The following MAGI2 variants were observed in gnomAD, a reference collection of about 807,000 sequenced individuals.
MAGI2 encodes the protein membrane-associated guanylate kinase, WW and PDZ domain-containing protein 2.
MAGI2 carries 35 observed loss-of-function variants against 133.3 expected under a neutral mutation model. The observed-to-expected ratio is 0.26, with a 90% CI of 0.20 to 0.35. MAGI2 has a LOEUF of 0.35. MAGI2 is among the 10% of genes least tolerant of loss of function. The pLI is 1.00. For missense variants in MAGI2, 1,636 were observed against 1,863.4 expected (o/e 0.88, Z 2.25); for synonymous variants, 729 against 710.6 (o/e 1.03, Z -0.41).
At chr7:78,857,298 G>T (rs954532136) in intron 2 of MAGI2, among the ~76,000 whole-genome samples, 3 of 152,090 alleles carry the variant, frequency 2.0e-5, no homozygotes, top group African/African-American at 7.2e-5. Flanking sequence ...TGTTGAATAG[G>T]AGTGGTGAGA....
intron 3 of MAGI2, among the ~76,000 whole-genome samples, chr7:78,582,193 T>G (rs1321060463): frequency 6.6e-6 from 1 of 152,174 alleles, no homozygotes; most frequent in African/African-American, 2.4e-5. Context: ...AACTGATTTT[T>G]GAAAATGGCT....
intron 3 of MAGI2, among the ~76,000 whole-genome samples, chr7:78,558,239 G>A (rs957672812): frequency 5.3e-5 from 8 of 152,086 alleles, no homozygotes; most frequent in Admixed American, 6.6e-5. Context: ...AGAGAACAAA[G>A]AAAGAGACAA....
At chr7:79,427,444 T>C (rs1034619462) in intron 1 of MAGI2, among the ~76,000 whole-genome samples, 1 of 152,174 alleles carries the variant, frequency 6.6e-6, no homozygotes, top group South Asian at 2.1e-4. Context: ...CAAGGTGTCA[T>C]GCAATAAGTG....
chr7:78,704,182 T>C (rs1818365736), intron 2 of MAGI2, among the ~76,000 whole-genome samples: 1 of 152,098 alleles, frequency 6.6e-6, no homozygotes, highest in African/African-American at 2.4e-5. Context: ...GACAAAGGTC[T>C]AATATTCAAA....
intron 1 of MAGI2, among the ~76,000 whole-genome samples, chr7:79,358,511 T>C (rs933915106): frequency 6.6e-6 from 1 of 152,062 alleles, no homozygotes; most frequent in African/African-American, 2.4e-5. Context: ...GAAAATGGAA[T>C]GAAAAGTCTT....
In MAGI2 at chr7:78,555,738, C is replaced by T. The variant is rs115544634; in HGVS notation, c.539-34093G>A. On this transcript the variant is annotated intron_variant, in intron 3 of 21. Transcript: ENST00000354212. ...TACCACATTTGAGAAAGTCAATAAA[C>T]ATTTTTCATGGATGGATTTTAGTCA... Among the ~76,000 whole-genome samples the T allele has an allele frequency of 3.8e-3, 582 of 152,198 alleles. 5 individuals are homozygous for T. The highest frequency in any genetic ancestry group is 0.013 in the African/African-American group (557 of 41,556).
At chr7:78,573,266 A>ATATATT (rs1801821267) in intron 3 of MAGI2, among the ~76,000 whole-genome samples, 1 of 24,252 alleles carries the variant, frequency 4.1e-5, no homozygotes, top group South Asian at 2.5e-3. Flanking sequence ...AAATATAAAT[A>ATATATT]TATATAAATA....
At chr7:78,516,105 A>C (rs1796019903) in intron 4 of MAGI2, among the ~76,000 whole-genome samples, 1 of 152,146 alleles carries the variant, frequency 6.6e-6, no homozygotes, top group South Asian at 2.1e-4. Flanking sequence ...GAAATAAGAA[A>C]AATTTTTATT....
At chr7:78,998,011 T>C (rs577206509) in intron 2 of MAGI2, among the ~76,000 whole-genome samples, 7 of 152,284 alleles carry the variant, frequency 4.6e-5, no homozygotes, top group African/African-American at 1.7e-4. Context: ...TATTTCTCAT[T>C]ATGTTTATTT....
At chr7:78,608,120 A>G (rs755271430) in intron 3 of MAGI2, among the ~76,000 whole-genome samples, 3 of 152,188 alleles carry the variant, frequency 2.0e-5, no homozygotes, top group Non-Finnish European at 2.9e-5. Flanking sequence ...CTTAGGCTCA[A>G]TGTAGATTCC....
rs568547461 is a variant in MAGI2, at chr7:78,700,424, C to T, written c.419-73185G>A. Reference sequence around the variant, plus strand: ...AATTTGGAAGCTTCTTGTTTATCTTCTTCCTAAAACTAAGTTCTTTATTTT... The same window carrying T: ...AATTTGGAAGCTTCTTGTTTATCTTTTTCCTAAAACTAAGTTCTTTATTTT... On this transcript the variant is annotated intron_variant, in intron 2 of 21. Coordinates refer to ENST00000354212, the MANE Select transcript of MAGI2 (RefSeq NM_012301.4). 2.0e-5 allele frequency among the ~76,000 whole-genome samples: 3 copies of T among 152,202 alleles called. No homozygotes were observed. The East Asian group carries it at 5.8e-4, about 29-fold the overall frequency.
chr7:78,223,461 G>C (rs1789037031), intron 10 of MAGI2, among the ~76,000 whole-genome samples: 1 of 152,154 alleles, frequency 6.6e-6, no homozygotes. Flanking sequence ...GACATAAATA[G>C]TGGTGACAGC....
chr7:79,055,557 T>A (rs1813078185), intron 1 of MAGI2, among the ~76,000 whole-genome samples: 1 of 144,130 alleles, frequency 6.9e-6, no homozygotes, highest in South Asian at 2.4e-4. Context: ...AGAACACACT[T>A]TTTTTTTTTT....
intron 2 of MAGI2, among the ~76,000 whole-genome samples, chr7:78,967,056 G>A (rs1803378074): frequency 6.6e-6 from 1 of 151,798 alleles, no homozygotes; most frequent in Admixed American, 6.6e-5. Flanking sequence ...TCCCACCTCA[G>A]CCTCCCGAGT....
At chr7:78,613,611 A>G (rs550135998) in intron 3 of MAGI2, among the ~76,000 whole-genome samples, 12 of 152,338 alleles carry the variant, frequency 7.9e-5, no homozygotes, top group African/African-American at 2.9e-4. Flanking sequence ...TGGTAGAAAC[A>G]AAACACGTGA....
At chr7:78,330,956 CGTATACACGTGCATGTGT>C (rs1789127066) in intron 9 of MAGI2, among the ~76,000 whole-genome samples, 1 of 152,060 alleles carries the variant, frequency 6.6e-6, no homozygotes, top group South Asian at 2.1e-4. Context: ...GCATATGGTG[CGTATACACGTGCATGTGT>C]GTACACACAT....
intron 1 of MAGI2, among the ~76,000 whole-genome samples, chr7:79,169,061 G>T (rs994962164): frequency 6.6e-6 from 1 of 151,766 alleles, no homozygotes; most frequent in Non-Finnish European, 1.5e-5. Flanking sequence ...GTTGAAGAAT[G>T]GTCCCTTCCT....
chr7:78,249,053 A>G (rs973787706), intron 10 of MAGI2, among the ~76,000 whole-genome samples: 2 of 152,148 alleles, frequency 1.3e-5, no homozygotes, highest in African/African-American at 2.4e-5. Flanking sequence ...AAAAAGTGCG[A>G]AAGAGCTGAG....
intron 2 of MAGI2, among the ~76,000 whole-genome samples, chr7:78,718,772 C>T (rs925529778): frequency 2.0e-5 from 3 of 152,078 alleles, no homozygotes; most frequent in Middle Eastern, 3.4e-3. Context: ...TATCCATCCC[C>T]GCACCCCCAA....
Sources: allele counts gnomAD v4.1 joint callset (sites outside exome capture counted in the v4.1 genomes callset), GRCh38; gene constraint gnomAD v4.1.1; transcripts MANE v1.5; gene names NCBI Gene and HGNC (gene_info 2026-07-23, HGNC 2026-07-21).